Variants in ZMAT4 observed in about 807,000 individuals in gnomAD.
ZMAT4 encodes zinc finger matrin-type protein 4.
ZMAT4 carries 17 observed loss-of-function variants against 28.7 expected under a neutral mutation model. The observed-to-expected ratio is 0.59, with a 90% confidence interval of 0.41 to 0.89. The LOEUF is 0.89. Among genes scored for constraint, ZMAT4 ranks in the 40% least tolerant of loss-of-function variants. ZMAT4 has a pLI of 0.00. For missense variants in ZMAT4, 240 were observed against 283.8 expected (o/e 0.85, Z 1.11); for synonymous variants, 117 against 109.2 (o/e 1.07, Z -0.44).
chr8:40,639,090 T>C (rs1375573736), intron 5 of ZMAT4, among the ~76,000 whole-genome samples: 1 of 152,224 alleles, frequency 6.6e-6, no homozygotes, highest in Non-Finnish European at 1.5e-5. Flanking sequence ...ACTCTGCTGC[T>C]TCTTGGGCTG....
intron 1 of ZMAT4, among the ~76,000 whole-genome samples, chr8:40,841,033 C>A (rs964468468): frequency 6.6e-6 from 1 of 152,168 alleles, no homozygotes; most frequent in African/African-American, 2.4e-5. Context: ...AAACTGTGTA[C>A]AATAGAACCC....
chr8:40,575,776 C>G (rs578120603), intron 6 of ZMAT4, among the ~76,000 whole-genome samples: 3 of 151,736 alleles, frequency 2.0e-5, no homozygotes, highest in Non-Finnish European at 2.9e-5. Flanking sequence ...AACATGACAC[C>G]TCCAAAGGAT....
chr8:40,892,113 A>G (rs1335776082), intron 1 of ZMAT4, among the ~76,000 whole-genome samples: 3 of 152,134 alleles, frequency 2.0e-5, no homozygotes, highest in African/African-American at 7.2e-5. Context: ...ACGCCCTCAC[A>G]TGGTATGTTT....
intron 1 of ZMAT4, chr8:40,885,046 C>T (rs910987335): frequency 6.6e-6 from 1 of 152,160 alleles, no homozygotes; most frequent in African/African-American, 2.4e-5. Context: ...TACACTCACT[C>T]CCTAGGTGAT....
In ZMAT4 at chr8:40,534,774, C is replaced by A. The variant is rs556572833; in HGVS notation, c.675-2536G>T. Among the ~76,000 whole-genome samples, 4 of 151,514 alleles carry A rather than the reference C, an allele frequency of 2.6e-5. No homozygotes were observed. In the East Asian group the frequency reaches 7.8e-4, roughly 30 times the overall value. ...CTCAGCTCACTGCAACCTCTGCCTC[C>A]CAGGTTCAAGCAATTCTCCTGCTTC... On this transcript the variant is annotated intron_variant, in intron 6 of 6. Transcript: ENST00000297737.
chr8:40,751,527 G>A (rs1030417483), intron 3 of ZMAT4, among the ~76,000 whole-genome samples: 1 of 152,008 alleles, frequency 6.6e-6, no homozygotes, highest in East Asian at 1.9e-4. Flanking sequence ...CCACCCACAA[G>A]AAATCCATCC....
At chr8:40,790,128 C>G (rs1244062042) in intron 2 of ZMAT4, among the ~76,000 whole-genome samples, 2 of 152,186 alleles carry the variant, frequency 1.3e-5, no homozygotes, top group Non-Finnish European at 2.9e-5. Flanking sequence ...TTGTGGCTGA[C>G]TCTCTTGCTA....
intron 1 of ZMAT4, among the ~76,000 whole-genome samples, chr8:40,859,203 G>A (rs894229565): frequency 2.0e-5 from 3 of 152,176 alleles, no homozygotes; most frequent in Admixed American, 6.5e-5. Flanking sequence ...TCAAGGTGCC[G>A]TGATTCCCCC....
At chr8:40,840,436 C>T (rs1004701138) in intron 1 of ZMAT4, among the ~76,000 whole-genome samples, 1 of 152,160 alleles carries the variant, frequency 6.6e-6, no homozygotes, top group African/African-American at 2.4e-5. Flanking sequence ...AGATATCCCT[C>T]CCAAGAGCCA....
chr8:40,862,693 C>T (rs1385401127), intron 1 of ZMAT4, among the ~76,000 whole-genome samples: 1 of 149,198 alleles, frequency 6.7e-6, no homozygotes, highest in African/African-American at 2.5e-5. Context: ...AAGCTGGAAA[C>T]CATCATTCTC....
At chr8:40,556,505 A>G (rs1381472079) in intron 6 of ZMAT4, among the ~76,000 whole-genome samples, 3 of 152,098 alleles carry the variant, frequency 2.0e-5, no homozygotes, top group Non-Finnish European at 4.4e-5. Flanking sequence ...AATGTCTTAG[A>G]TAAATCTCTT....
intron 5 of ZMAT4, among the ~76,000 whole-genome samples, chr8:40,636,427 A>G (rs959004358): frequency 1.8e-4 from 27 of 152,184 alleles, no homozygotes; most frequent in African/African-American, 6.0e-4. Flanking sequence ...GCCAGTGCTC[A>G]ATTTATTCTG....
At chr8:40,862,043 C>T (rs970611495) in intron 1 of ZMAT4, among the ~76,000 whole-genome samples, 8 of 152,232 alleles carry the variant, frequency 5.3e-5, no homozygotes, top group East Asian at 1.9e-4. Context: ...CTAGAAATAC[C>T]GTAAGACCCA....
rs1449323614 is a variant in ZMAT4 at position 40,812,934 on chromosome 8, A to AAAAATAAAATAAAAT, written c.102+12640_102+12641insATTTTATTTTATTTT. Among the ~76,000 whole-genome samples the AAAAATAAAATAAAAT allele has an allele frequency of 9.5e-3, 389 of 41,108 alleles. 7 individuals are homozygous for AAAAATAAAATAAAAT. The highest frequency in any genetic ancestry group is 0.021 in the African/African-American group (370 of 17,534). The allele number at this position is 41,108 out of a possible 152,430, so 27.0% of individuals were successfully genotyped here. On this transcript the variant is annotated intron_variant, in intron 2 of 6. Transcript: ENST00000297737. ...GGCGACAAGAGCAAAACTCCATCTC[A>AAAAATAAAATAAAAT]AAAATTAAATTAAATTAAATTAAAT...
chr8:40,842,139 G>T (rs1816726325), intron 1 of ZMAT4, among the ~76,000 whole-genome samples: 1 of 152,208 alleles, frequency 6.6e-6, no homozygotes, highest in African/African-American at 2.4e-5. Context: ...CTAAGAAAAA[G>T]AAGCAAGTGT....
intron 5 of ZMAT4, among the ~76,000 whole-genome samples, chr8:40,672,475 C>G (rs1035195364): frequency 6.6e-6 from 1 of 152,134 alleles, no homozygotes; most frequent in Non-Finnish European, 1.5e-5. Context: ...CAATGCTAAT[C>G]GCATTCCATG....
intron 1 of ZMAT4, among the ~76,000 whole-genome samples, chr8:40,859,121 A>G (rs1267370660): frequency 6.6e-6 from 1 of 152,184 alleles, no homozygotes; most frequent in African/African-American, 2.4e-5. Flanking sequence ...TCCTGACCTC[A>G]GCAACTTCAG....
At chr8:40,866,218 T>C (rs1370905932) in intron 1 of ZMAT4, among the ~76,000 whole-genome samples, 1 of 152,226 alleles carries the variant, frequency 6.6e-6, no homozygotes, top group Non-Finnish European at 1.5e-5. Context: ...TTGCTTTAGT[T>C]CTATATCTTG....
At chr8:40,747,221 T>C (rs1452430658) in intron 3 of ZMAT4, among the ~76,000 whole-genome samples, 3 of 152,362 alleles carry the variant, frequency 2.0e-5, no homozygotes, top group African/African-American at 7.2e-5. Context: ...ATCATGGTAT[T>C]GGTTTCCAAG....
Sources: allele counts gnomAD v4.1 joint callset (sites outside exome capture counted in the v4.1 genomes callset), GRCh38; gene constraint gnomAD v4.1.1; transcripts MANE v1.5; gene names NCBI Gene and HGNC (gene_info 2026-07-23, HGNC 2026-07-21).